Variants in FSTL4 observed in about 807,000 individuals in gnomAD.
The protein encoded by FSTL4 is follistatin like 4, also known as follistatin-related protein 4.
A neutral mutation model predicts 78.2 loss-of-function variants in FSTL4; 28 were observed. The ratio of observed to expected loss-of-function variants is 0.36; its 90% confidence interval spans 0.27 to 0.49. The LOEUF (loss-of-function observed/expected upper bound fraction) is 0.49. FSTL4 is among the 20% of genes least tolerant of loss of function. The pLI, the probability that FSTL4 is intolerant of heterozygous loss-of-function variation, is 0.98. For synonymous variants in FSTL4, 422 were observed against 440.5 expected (o/e 0.96, Z 0.53); for missense variants, 922 against 1,084.9 (o/e 0.85, Z 2.11).
At chr5:133,822,433 C>T in the FSTL4 span, among the ~76,000 whole-genome samples, 105 of 152,150 alleles carry the variant, frequency 6.9e-4, no homozygotes, top group African/African-American at 2.5e-3. Flanking sequence ...TTCTCAGAGC[C>T]CAGAAACTTC....
intron 4 of FSTL4, among the ~76,000 whole-genome samples, chr5:133,324,533 C>T (rs1754158304): frequency 6.6e-6 from 1 of 152,276 alleles, no homozygotes; most frequent in Middle Eastern, 3.2e-3. Context: ...GCCCTGTTCT[C>T]TCTTGCCAGC....
At chr5:133,793,269 T>C in the FSTL4 span, among the ~76,000 whole-genome samples, 1 of 152,208 alleles carries the variant, frequency 6.6e-6, no homozygotes, top group African/African-American at 2.4e-5. Context: ...AAAATGATTT[T>C]AGGTAAACTC....
intron 6 of FSTL4, among the ~76,000 whole-genome samples, chr5:133,282,138 C>A (rs1401841347): frequency 2.6e-5 from 4 of 152,164 alleles, no homozygotes; most frequent in African/African-American, 9.6e-5. Flanking sequence ...CTGTGGTGTC[C>A]TTAAGGCCTC....
intron 3 of FSTL4, among the ~76,000 whole-genome samples, chr5:133,452,573 A>G (rs147081705): frequency 6.6e-6 from 1 of 152,266 alleles, no homozygotes; most frequent in Non-Finnish European, 1.5e-5. Context: ...CACATGTATT[A>G]ACTCATTTAA....
intron 3 of FSTL4, among the ~76,000 whole-genome samples, chr5:133,563,817 T>C (rs1028230990): frequency 6.6e-6 from 1 of 152,244 alleles, no homozygotes; most frequent in African/African-American, 2.4e-5. Context: ...AGTGACATTT[T>C]GTCTATGAAA....
chr5:133,672,202 G>T, the FSTL4 span, among the ~76,000 whole-genome samples: 1 of 151,100 alleles, frequency 6.6e-6, no homozygotes, highest in African/African-American at 2.4e-5. Flanking sequence ...GAAGCAATGT[G>T]TATTACTTCC....
chr5:133,275,634 T>C (rs1301043147), intron 6 of FSTL4: 1 of 151,038 alleles, frequency 6.6e-6, no homozygotes, highest in African/African-American at 2.4e-5. Flanking sequence ...CCCTTCTGAG[T>C]GTGGACCCCT....
intron 4 of FSTL4, among the ~76,000 whole-genome samples, chr5:133,322,291 A>C (rs1223146921): frequency 8.2e-5 from 3 of 36,702 alleles, no homozygotes; most frequent in African/African-American, 1.5e-4. Context: ...ACACACACAC[A>C]CCCCCACACA....
intron 2 of FSTL4, among the ~76,000 whole-genome samples, chr5:133,599,236 C>T (rs1024269560): frequency 2.6e-5 from 4 of 152,172 alleles, no homozygotes; most frequent in East Asian, 1.9e-4. Context: ...AACGAAGCCA[C>T]GGAGCATCTA....
intron 3 of FSTL4, among the ~76,000 whole-genome samples, chr5:133,448,646 C>A (rs1212174016): frequency 4.6e-5 from 7 of 151,028 alleles, no homozygotes; most frequent in Non-Finnish European, 8.9e-5. Flanking sequence ...ACACTAACGT[C>A]CCCACTCTCG....
intron 4 of FSTL4, among the ~76,000 whole-genome samples, chr5:133,369,362 T>C (rs1411911325): frequency 6.6e-6 from 1 of 152,184 alleles, no homozygotes; most frequent in Non-Finnish European, 1.5e-5. Flanking sequence ...CCTGGGCTCA[T>C]TGCTCCTGTG....
intron 4 of FSTL4, among the ~76,000 whole-genome samples, chr5:133,372,057 T>A (rs1181810304): frequency 6.6e-6 from 1 of 152,196 alleles, no homozygotes; most frequent in Non-Finnish European, 1.5e-5. Context: ...GGCCTCCCTG[T>A]CACCCACCCA....
chr5:133,365,628 G>C (rs1458384043), intron 4 of FSTL4, among the ~76,000 whole-genome samples: 1 of 152,230 alleles, frequency 6.6e-6, no homozygotes, highest in Non-Finnish European at 1.5e-5. Context: ...TTCAGTCCTT[G>C]CTCCTTGATT....
At chr5:133,835,454 C>T in the FSTL4 span, among the ~76,000 whole-genome samples, 5 of 152,170 alleles carry the variant, frequency 3.3e-5, no homozygotes, top group South Asian at 8.3e-4. Context: ...AAAGTTCTTA[C>T]CTGTTCCTGA....
the FSTL4 span, among the ~76,000 whole-genome samples, chr5:133,787,617 G>A: frequency 2.7e-5 from 4 of 150,440 alleles, no homozygotes; most frequent in Admixed American, 6.6e-5. Context: ...TCCACTCCTG[G>A]GTGCAGCCAA....
chr5:133,791,106 A>G, the FSTL4 span, among the ~76,000 whole-genome samples: 1 of 152,142 alleles, frequency 6.6e-6, no homozygotes, highest in Non-Finnish European at 1.5e-5. Context: ...CATGCCAGGC[A>G]CACCCCTGCT....
intron 3 of FSTL4, among the ~76,000 whole-genome samples, chr5:133,500,621 G>A (rs1018167950): frequency 6.6e-6 from 1 of 152,136 alleles, no homozygotes; most frequent in African/African-American, 2.4e-5. Context: ...ACAAAATAAT[G>A]AAGGTGTTAA....
Position 133,240,830 on chromosome 5 carries a change from A to T in FSTL4, c.895-7293T>A, listed in dbSNP as rs3763135. On this transcript the variant is annotated intron_variant, in intron 7 of 15. Transcript: ENST00000265342. The stretch of plus-strand genomic sequence containing the variant: ...TACCTCCTGGGAAGCCCTGAGAGGA[A>T]GGATAGTTAAGAATTCATATTACCC... Among the ~76,000 whole-genome samples the T allele has an allele frequency of 1.4e-3, 216 of 152,020 alleles. 2 individuals are homozygous for T. The highest frequency in any genetic ancestry group is 5.0e-3 in the African/African-American group (205 of 41,404).
chr5:133,565,960 G>T (rs1760018058), intron 3 of FSTL4, among the ~76,000 whole-genome samples: 1 of 152,148 alleles, frequency 6.6e-6, no homozygotes, highest in Non-Finnish European at 1.5e-5. Context: ...AGTACCCATT[G>T]TGAACACTAC....
Sources: allele counts gnomAD v4.1 joint callset (sites outside exome capture counted in the v4.1 genomes callset), GRCh38; gene constraint gnomAD v4.1.1; transcripts MANE v1.5; gene names NCBI Gene and HGNC (gene_info 2026-07-23, HGNC 2026-07-21).